The following SNTB2 variants were observed in gnomAD, a reference collection of about 807,000 sequenced individuals.
SNTB2 encodes the protein beta-2-syntrophin.
SNTB2 carries 34 observed loss-of-function variants against 46.2 expected under a neutral mutation model. The ratio of observed to expected loss-of-function variants is 0.74; its 90% CI spans 0.56 to 0.98. The LOEUF (loss-of-function observed/expected upper bound fraction) is 0.98, where lower values mean the gene tolerates loss of function less well. Ranked by LOEUF, SNTB2 falls within the 50% of genes least tolerant of loss-of-function variation. SNTB2 has a pLI of 0.00. For missense variants in SNTB2, 603 were observed against 731.4 expected, an observed-to-expected ratio of 0.82 and a Z score of 2.02; for synonymous variants, 290 against 312.6, an observed-to-expected ratio of 0.93 and a Z score of 0.76.
intron 5 of SNTB2, among the ~76,000 whole-genome samples, chr16:69,296,971 C>T (rs1294894273): frequency 6.7e-6 from 1 of 149,994 alleles, no homozygotes; most frequent in Non-Finnish European, 1.5e-5. Flanking sequence ...CATTGCCCTC[C>T]AGCCTGCATG....
rs1233537704 is a variant in SNTB2, at chr16:69,292,390, T to TTATATA, written c.1346-7188_1346-7183dup. 2.5e-3 allele frequency among the ~76,000 whole-genome samples: 32 copies of TTATATA among 12,764 alleles called. 3 individuals carry two copies. Among genetic ancestry groups the TTATATA allele is most frequent in the African/African-American group, 9.7e-3 (18 of 1,858 alleles). 8.4% of individuals were successfully genotyped at this position (12,764 alleles called of 152,430 possible). The stretch of plus-strand genomic sequence containing the variant: ...TATATATATATATATTATATATATA[T>TTATATA]TATATATATATATATATTATATATA... On this transcript the variant is annotated intron_variant, in intron 5 of 6. Transcript: ENST00000336278.
chr16:69,247,723 A>G (rs1036060399), intron 2 of SNTB2, among the ~76,000 whole-genome samples: 2 of 152,222 alleles, frequency 1.3e-5, no homozygotes, highest in Admixed American at 6.5e-5. Flanking sequence ...AAAAAGGGAT[A>G]ATGGTACTTA....
chr16:69,265,338 C>T (rs1342702514), intron 3 of SNTB2, among the ~76,000 whole-genome samples: 2 of 152,154 alleles, frequency 1.3e-5, no homozygotes, highest in Non-Finnish European at 2.9e-5. Context: ...CATAAAGACT[C>T]AAGTTAGGAC....
At chr16:69,206,999 TC>T (rs1964227723) in intron 1 of SNTB2, among the ~76,000 whole-genome samples, 1 of 152,022 alleles carries the variant, frequency 6.6e-6, no homozygotes, top group Non-Finnish European at 1.5e-5. Context: ...ACTCCTGATC[TC>T]AGGTGATCCA....
At chr16:69,266,358 T>C (rs1237143077) in intron 3 of SNTB2, among the ~76,000 whole-genome samples, 1 of 151,996 alleles carries the variant, frequency 6.6e-6, no homozygotes, top group Non-Finnish European at 1.5e-5. Flanking sequence ...AGTGAGAGTC[T>C]ATTGTAAAAA....
intron 1 of SNTB2, among the ~76,000 whole-genome samples, chr16:69,216,257 G>A (rs1254794024): frequency 6.6e-6 from 1 of 152,180 alleles, no homozygotes; most frequent in Non-Finnish European, 1.5e-5. Context: ...AAGTTCTGCT[G>A]AATTAGGTAA....
chr16:69,293,371 T>G (rs1252052369), intron 5 of SNTB2, among the ~76,000 whole-genome samples: 1 of 151,990 alleles, frequency 6.6e-6, no homozygotes, highest in African/African-American at 2.4e-5. Context: ...TAAAGAAGAA[T>G]AGAGAAATAG....
At chr16:69,254,165 T>C (rs899960151) in intron 2 of SNTB2, among the ~76,000 whole-genome samples, 9 of 151,908 alleles carry the variant, frequency 5.9e-5, no homozygotes, top group African/African-American at 2.2e-4. Flanking sequence ...CCCAGTTTGG[T>C]GGGATGAGGG....
rs1243430687 is a variant in SNTB2, at chr16:69,245,753, G to T, written c.732G>T (p.Lys244Asn). 6.8e-6 allele frequency: 11 copies of T among 1,614,016 alleles called. No individual in the cohort carries two copies. Among genetic ancestry groups the T allele is most frequent in the Non-Finnish European group, 9.3e-6 (11 of 1,180,034 alleles). ...ACCAGAACAGCACCAAGGACAGGAA[G>T]ATCATCCCTCTCAAAATGTGCTTTG... is the stretch of plus-strand genomic sequence containing the variant. ...PKHQNSTKDR[K>N]IIPLKMCFAA... is the part of the protein sequence containing the mutation. Residue 244 changes from lysine (K) to asparagine (N), a missense_variant, in exon 2 of 7, where the codon AAG (lysine) becomes AAT (asparagine). By Grantham distance (94) the Lys-to-Asn change is moderately conservative. Transcript: ENST00000336278.
rs530376973 is a variant in SNTB2, at chr16:69,245,416, A to T, written c.581-186A>T. Among the ~76,000 whole-genome samples the T allele has an allele frequency of 3.5e-3, 535 of 152,222 alleles. 4 individuals carry two copies. The highest frequency in any genetic ancestry group is 0.011 in the African/African-American group (449 of 41,530). ...CACTACGTTGACCAGGCTGGCCTTG[A>T]ACTCCTGACCTCAAGTGATCCACCC... On this transcript the variant is annotated intron_variant, in intron 1 of 6. Coordinates refer to ENST00000336278, the MANE Select transcript of SNTB2 (RefSeq NM_006750.4).
intron 1 of SNTB2, among the ~76,000 whole-genome samples, chr16:69,212,269 T>G (rs1219413789): frequency 4.6e-5 from 7 of 152,290 alleles, no homozygotes. Context: ...ATGTGAAACC[T>G]TTCCTGACTG....
intron 5 of SNTB2, among the ~76,000 whole-genome samples, chr16:69,292,552 C>T (rs1330352487): frequency 1.4e-5 from 2 of 145,954 alleles, no homozygotes; most frequent in Non-Finnish European, 3.0e-5. Context: ...AGCAATTCTC[C>T]TGCCTCAGCC....
chr16:69,236,324 G>C (rs996340395), intron 1 of SNTB2, among the ~76,000 whole-genome samples: 1 of 152,108 alleles, frequency 6.6e-6, no homozygotes, highest in Non-Finnish European at 1.5e-5. Context: ...CAATCAACCT[G>C]GTAACCTTGT....
Position 69,274,421 on chromosome 16 carries a change from C to A in SNTB2, c.1148+4136C>A, listed in dbSNP as rs184933268. On this transcript the variant is annotated intron_variant, in intron 4 of 6. Transcript: ENST00000336278. ...GTAATCCCAGCACTTTGGGAGGCCA[C>A]GGCGGGTGGATCACGAGGTCAGGAG... 3.5e-3 allele frequency among the ~76,000 whole-genome samples: 528 copies of A among 150,790 alleles called. 6 individuals carry two copies. Among genetic ancestry groups the A allele is most frequent in the African/African-American group, 0.012 (497 of 41,060 alleles).
rs936694139 is a variant in SNTB2, at chr16:69,303,932, G to A, written c.*3008G>A. On this transcript the variant is annotated 3_prime_UTR_variant, in exon 7 of 7. Transcript: ENST00000336278. ...GAGGATGTGGTGGGTTCCAGTGTGT[G>A]GAATGGAAAGGAAACTGCAGAATAG... The A allele has an allele frequency of 6.6e-6, 1 of 152,160 alleles. No individual in the cohort carries two copies. The highest frequency in any genetic ancestry group is 2.1e-4 in the South Asian group (1 of 4,822). The allele number at this position is 152,160 out of a possible 1,614,324, so 9.4% of individuals were successfully genotyped here.
intron 1 of SNTB2, among the ~76,000 whole-genome samples, chr16:69,202,568 A>C (rs991621495): frequency 4.7e-5 from 7 of 149,224 alleles, no homozygotes; most frequent in Non-Finnish European, 9.0e-5. Flanking sequence ...ACATTCAGTA[A>C]TTTTTTTTTT....
intron 1 of SNTB2, among the ~76,000 whole-genome samples, chr16:69,218,240 A>G (rs1019737400): frequency 2.0e-5 from 3 of 152,178 alleles, no homozygotes; most frequent in African/African-American, 7.2e-5. Context: ...ATTAACACAT[A>G]TTGGCTGTCA....
intron 3 of SNTB2, among the ~76,000 whole-genome samples, chr16:69,267,284 TG>T (rs1964896116): frequency 6.6e-6 from 1 of 152,230 alleles, no homozygotes; most frequent in African/African-American, 2.4e-5. Flanking sequence ...CCCCAAGTGT[TG>T]GGATTACAGG....
At chr16:69,275,014 C>T (rs977053328) in intron 4 of SNTB2, among the ~76,000 whole-genome samples, 3 of 151,704 alleles carry the variant, frequency 2.0e-5, no homozygotes, top group African/African-American at 7.3e-5. Context: ...CCCTCCCTTC[C>T]CTTCCCTTTC....
Sources: gnomAD v4.1 joint callset for allele counts (sites outside exome capture counted in the v4.1 genomes callset) on GRCh38, gnomAD v4.1.1 for gene constraint, MANE v1.5 for transcripts, NCBI Gene and HGNC (gene_info 2026-07-23, HGNC 2026-07-21) for gene names.